Variants in MRPS28 observed in about 807,000 individuals in gnomAD.
MRPS28 encodes mitochondrial ribosomal protein S28.
Under a neutral mutation model 10.8 loss-of-function variants are expected in MRPS28, and 7 were observed. The observed-to-expected ratio is 0.65, with a 90% CI of 0.37 to 1.22. The LOEUF is 1.22. Among genes scored for constraint, MRPS28 ranks in the 50% most tolerant of loss-of-function variants. MRPS28 has a pLI of 0.02. For synonymous variants in MRPS28, 121 were observed against 93.3 expected, an observed-to-expected ratio of 1.30 and a Z score of -1.71; for missense variants, 265 against 232.9, an observed-to-expected ratio of 1.14 and a Z score of -0.90.
chr8:80,009,592 G>C (rs186652908), intron 1 of MRPS28, among the ~76,000 whole-genome samples: 117 of 151,954 alleles, frequency 7.7e-4, no homozygotes, highest in African/African-American at 2.4e-3. Flanking sequence ...CTCCAGCCTG[G>C]GCAACAAGAG....
At chr8:79,933,313 C>T (rs1233124599) in intron 2 of MRPS28, among the ~76,000 whole-genome samples, 1 of 152,208 alleles carries the variant, frequency 6.6e-6, no homozygotes, top group African/African-American at 2.4e-5. Context: ...ACTGCATGCA[C>T]ATGCAGAGTG....
chr8:80,007,890 A>G (rs567524518), intron 1 of MRPS28, among the ~76,000 whole-genome samples: 15 of 152,234 alleles, frequency 9.9e-5, no homozygotes, highest in East Asian at 5.8e-4. Context: ...TCAAGCTACC[A>G]ATGACTTTCT....
intron 1 of MRPS28, among the ~76,000 whole-genome samples, chr8:80,015,048 G>C (rs927233903): frequency 2.6e-5 from 4 of 152,208 alleles, no homozygotes; most frequent in African/African-American, 4.8e-5. Context: ...GCTGTAACTG[G>C]TGAATTGGTG....
intron 2 of MRPS28, among the ~76,000 whole-genome samples, chr8:79,987,123 A>T (rs918939380): frequency 6.6e-6 from 1 of 152,168 alleles, no homozygotes; most frequent in African/African-American, 2.4e-5. Flanking sequence ...ATAACGCCGC[A>T]TAGCTACAAC....
At chr8:79,991,352 G>A (rs1409421573) in intron 2 of MRPS28, among the ~76,000 whole-genome samples, 1 of 152,200 alleles carries the variant, frequency 6.6e-6, no homozygotes, top group Non-Finnish European at 1.5e-5. Context: ...AATTAATAGA[G>A]ACAGAAAGAG....
At chr8:79,983,271 T>C (rs1808030828) in intron 2 of MRPS28, among the ~76,000 whole-genome samples, 1 of 152,078 alleles carries the variant, frequency 6.6e-6, no homozygotes, top group Non-Finnish European at 1.5e-5. Flanking sequence ...AAAACCCATC[T>C]GTACATCACC....
At chr8:80,023,496 T>C (rs773303111) in intron 1 of MRPS28, among the ~76,000 whole-genome samples, 50 of 152,104 alleles carry the variant, frequency 3.3e-4, no homozygotes, top group Non-Finnish European at 4.7e-4. Flanking sequence ...TTCTGGAATA[T>C]TCGAATATTT....
chr8:80,013,544 G>A (rs758707103), intron 1 of MRPS28, among the ~76,000 whole-genome samples: 186 of 141,876 alleles, frequency 1.3e-3, no homozygotes, highest in Non-Finnish European at 1.3e-3. Context: ...TGAGGCAGGA[G>A]AATCACTTGA....
chr8:79,934,916 G>T (rs1403569103), intron 2 of MRPS28, among the ~76,000 whole-genome samples: 1 of 152,188 alleles, frequency 6.6e-6, no homozygotes, highest in East Asian at 1.9e-4. Context: ...TAACTTTACA[G>T]TCACAAACTC....
chr8:80,009,290 AG>A (rs1808958502), intron 1 of MRPS28, among the ~76,000 whole-genome samples: 1 of 151,922 alleles, frequency 6.6e-6, no homozygotes, highest in African/African-American at 2.4e-5. Context: ...GTGGGGGCAG[AG>A]GGGAGGGATA....
Position 80,003,090 on chromosome 8 carries a change from C to A in MRPS28, c.304G>T (p.Gly102Ter), listed in dbSNP as rs1287098663. 1 of 1,613,742 alleles carries A rather than the reference C, an allele frequency of 6.2e-7. No homozygotes were observed. Among genetic ancestry groups the A allele is most frequent in the Admixed American group, 1.7e-5 (1 of 59,940 alleles). Residue 102 changes from glycine to a stop codon, truncating the protein, a stop_gained, in exon 2 of 3, where the codon GGA becomes TGA. Transcript: ENST00000276585. LOFTEE classifies it high-confidence loss of function. ...MGPAKDKLVI[G>*]RIFHIVENDL... ...TTCTCCACAATATGAAAGATCCGTC[C>A]AATGACCAGTTTATCCTTTGCAGGT...
chr8:80,024,376 C>A (rs1261274452), intron 1 of MRPS28, among the ~76,000 whole-genome samples: 3 of 152,126 alleles, frequency 2.0e-5, no homozygotes, highest in Non-Finnish European at 4.4e-5. Context: ...CCTACAACCA[C>A]CATACAGAAC....
At chr8:79,935,223 A>C (rs959796193) in intron 2 of MRPS28, among the ~76,000 whole-genome samples, 1 of 152,206 alleles carries the variant, frequency 6.6e-6, no homozygotes. Flanking sequence ...GTCCCCAACA[A>C]AGAAGCCTCA....
At chr8:80,026,476 G>C (rs1005518702) in intron 1 of MRPS28, among the ~76,000 whole-genome samples, 9 of 152,262 alleles carry the variant, frequency 5.9e-5, no homozygotes, top group Admixed American at 5.9e-4. Flanking sequence ...TTCAACGACA[G>C]GCCAGGTATA....
At chr8:79,944,126 T>G (rs1806839589) in intron 2 of MRPS28, among the ~76,000 whole-genome samples, 1 of 152,224 alleles carries the variant, frequency 6.6e-6, no homozygotes, top group South Asian at 2.1e-4. Flanking sequence ...GGGTTCCATT[T>G]GTGAAATAAA....
intron 2 of MRPS28, among the ~76,000 whole-genome samples, chr8:79,933,023 A>G (rs1806505960): frequency 6.6e-6 from 1 of 152,236 alleles, no homozygotes; most frequent in African/African-American, 2.4e-5. Flanking sequence ...AGCAGCTGAC[A>G]AAGTTTTCAA....
intron 2 of MRPS28, among the ~76,000 whole-genome samples, chr8:79,946,354 T>A (rs945576760): frequency 2.0e-5 from 3 of 152,112 alleles, no homozygotes; most frequent in Non-Finnish European, 4.4e-5. Flanking sequence ...AAGAAATAGA[T>A]GCTGTAACAT....
At chr8:80,013,000 C>T (rs1809094873) in intron 1 of MRPS28, among the ~76,000 whole-genome samples, 1 of 152,220 alleles carries the variant, frequency 6.6e-6, no homozygotes, top group East Asian at 1.9e-4. Flanking sequence ...GGATACTGAA[C>T]AGTGGTTCTT....
intron 2 of MRPS28, among the ~76,000 whole-genome samples, chr8:79,963,324 G>A (rs372072503): frequency 9.3e-4 from 141 of 152,052 alleles, no homozygotes; most frequent in African/African-American, 2.8e-3. Flanking sequence ...AATCATTAAA[G>A]TCCACCATAT....
Sources: allele counts gnomAD v4.1 joint callset (sites outside exome capture counted in the v4.1 genomes callset), GRCh38; gene constraint gnomAD v4.1.1; transcripts MANE v1.5; gene names NCBI Gene and HGNC (gene_info 2026-07-23, HGNC 2026-07-21).